RYR2: variants seen among roughly 807,000 people sequenced by gnomAD.
The protein encoded by RYR2 is ryanodine receptor 2, also known as cardiac muscle ryanodine receptor-calcium release channel.
In RYR2, 227 loss-of-function variants were observed where a neutral mutation model predicts 601.1. The observed-to-expected ratio is 0.38, with a 90% CI of 0.34 to 0.42. The LOEUF is 0.42. RYR2 is among the 10% of genes least tolerant of loss of function. The pLI is 1.00. For synonymous variants in RYR2, 2,223 were observed against 2,175.1 expected, an observed-to-expected ratio of 1.02 and a Z score of -0.61; for missense variants, 4,646 against 6,156.5, an observed-to-expected ratio of 0.75 and a Z score of 8.21.
intron 56 of RYR2, among the ~76,000 whole-genome samples, chr1:237,662,551 A>C (rs1683906332): frequency 6.6e-6 from 1 of 152,020 alleles, no homozygotes; most frequent in Non-Finnish European, 1.5e-5. Context: ...AATGGAGGTG[A>C]CTTTAGGCTT....
chr1:237,474,263 A>C (rs1661139936), intron 17 of RYR2, among the ~76,000 whole-genome samples: 1 of 85,646 alleles, frequency 1.2e-5, no homozygotes, highest in African/African-American at 3.0e-5. Flanking sequence ...ATATGTATAG[A>C]TACCTACACA....
At chr1:237,623,939 T>A in intron 39 of RYR2, 69 bp downstream of exon 39, 1 of 976,152 alleles carries the variant, frequency 1.0e-6, no homozygotes, top group Non-Finnish European at 1.6e-6. Flanking sequence ...GAGACGAAAT[T>A]AAGTGTATAT....
chr1:237,285,544 G>A (rs1691465931), intron 2 of RYR2, among the ~76,000 whole-genome samples: 1 of 152,116 alleles, frequency 6.6e-6, no homozygotes, highest in Non-Finnish European at 1.5e-5. Context: ...TTCATAGAAT[G>A]AATTAGGGAG....
In RYR2 at chr1:237,602,043, T is replaced by A; in HGVS notation, c.4615T>A (p.Leu1539Ile). The A allele has an allele frequency of 6.2e-7, 1 of 1,612,560 alleles. No homozygotes were observed. Among genetic ancestry groups the A allele is most frequent in the Non-Finnish European group, 8.5e-7 (1 of 1,179,084 alleles). The change falls in exon 35 of 105, where the codon TTA becomes ATA. Residue 1539 changes from leucine (L) to isoleucine (I), a missense_variant. Around this residue, in one of 17 missense-constraint regions of RYR2, gnomAD observed 1,807 missense variants for 2,088.1 expected, o/e 0.87. Transcript: ENST00000366574. ...TYYQVEPSTK[L>I]FPAVFAQATS... ...ATTTCAGGTGGAACCGAGTACAAAA[T>A]TATTTCCTGCGGTTTTTGCACAAGC... is the stretch of plus-strand genomic sequence containing the variant.
intron 1 of RYR2, among the ~76,000 whole-genome samples, chr1:237,261,378 G>C (rs901464010): frequency 6.6e-6 from 1 of 152,116 alleles, no homozygotes; most frequent in Non-Finnish European, 1.5e-5. Context: ...GGCTTTCCAT[G>C]GTCTGGGCCC....
intron 2 of RYR2, among the ~76,000 whole-genome samples, chr1:237,324,127 A>C (rs992926055): frequency 6.6e-6 from 1 of 152,198 alleles, no homozygotes; most frequent in Non-Finnish European, 1.5e-5. Context: ...GAAAAAGTGA[A>C]CTAAGATTTT....
At chr1:237,293,948 A>G (rs1463678340) in intron 2 of RYR2, among the ~76,000 whole-genome samples, 1 of 152,110 alleles carries the variant, frequency 6.6e-6, no homozygotes, top group African/African-American at 2.4e-5. Flanking sequence ...TGTTGGGGGA[A>G]GGCTTAAAGT....
chr1:237,357,537 T>C (rs2149698929), intron 4 of RYR2, among the ~76,000 whole-genome samples: 1 of 152,356 alleles, frequency 6.6e-6, no homozygotes, highest in East Asian at 1.9e-4. Context: ...TGTCTAAAAG[T>C]CTTCCCTTCA....
At chr1:237,553,562 A>T (rs1209747421) in intron 27 of RYR2, among the ~76,000 whole-genome samples, 1 of 151,912 alleles carries the variant, frequency 6.6e-6, no homozygotes, top group African/African-American at 2.4e-5. Context: ...TTCCATATAC[A>T]TTTAGATTCA....
intron 63 of RYR2, among the ~76,000 whole-genome samples, chr1:237,687,794 G>A (rs953631157): frequency 2.0e-5 from 3 of 152,116 alleles, no homozygotes; most frequent in African/African-American, 7.2e-5. Context: ...TTTTATCTCA[G>A]GGGTAAAAAC....
chr1:237,785,818 T>C (rs1038095435), intron 90 of RYR2, 151 bp from the exon 91 acceptor site: 56 of 651,702 alleles, frequency 8.6e-5, no homozygotes, highest in East Asian at 7.6e-4. Flanking sequence ...TTTGGCCCTA[T>C]AAAATGAAAA....
At chr1:237,456,766 G>C in intron 16 of RYR2, 31 bp downstream of exon 16, 1 of 1,610,318 alleles carries the variant, frequency 6.2e-7, no homozygotes, top group Non-Finnish European at 8.5e-7. Context: ...CATAGCAACA[G>C]AGTTATCTAT....
intron 1 of RYR2, among the ~76,000 whole-genome samples, chr1:237,168,033 C>T (rs1572075794): frequency 6.6e-6 from 1 of 152,174 alleles, no homozygotes; most frequent in Non-Finnish European, 1.5e-5. Flanking sequence ...TTCCTGGATA[C>T]TTACCAAGCC....
Position 237,594,922 on chromosome 1 carries a change from T to G in RYR2, c.4437-576T>G, listed in dbSNP as rs995672484. Among the ~76,000 whole-genome samples the G allele has an allele frequency of 1.1e-3, 110 of 99,360 alleles. 3 individuals are homozygous for G. Among genetic ancestry groups the G allele is most frequent in the African/African-American group, 3.5e-3 (108 of 30,766 alleles). 65.2% of individuals were successfully genotyped at this position (99,360 alleles called of 152,430 possible). ...TTTTTTTTTTTTTTTTTTTTTTTTT[T>G]TTTTTTTTTGCATATTCTAGTTAAA... On this transcript the variant is annotated intron_variant, in intron 33 of 104. Coordinates refer to ENST00000366574, the MANE Select transcript of RYR2 (RefSeq NM_001035.3).
chr1:237,124,196 G>A (rs1277860100), intron 1 of RYR2, among the ~76,000 whole-genome samples: 3 of 152,192 alleles, frequency 2.0e-5, no homozygotes, highest in African/African-American at 4.8e-5. Flanking sequence ...AAGCCTGTCA[G>A]CCATCACATG....
chr1:237,389,717 G>C (rs1384384666), intron 10 of RYR2, among the ~76,000 whole-genome samples: 1 of 152,130 alleles, frequency 6.6e-6, no homozygotes, highest in Non-Finnish European at 1.5e-5. Context: ...TGCAGGAGAT[G>C]GTACATGTTT....
rs1015918431 is a variant in RYR2, at chr1:237,106,156, C to T, written c.48+63587C>T. 3.3e-5 allele frequency among the ~76,000 whole-genome samples: 5 copies of T among 152,146 alleles called. No homozygotes were observed. Among genetic ancestry groups the T allele is most frequent in the African/African-American group, 1.2e-4 (5 of 41,426 alleles). ...ACTTTTAGCCATATGGGAGTCATTG[C>T]AATCCTTTGAGCTGAGGGGTAGCTC... On this transcript the variant is annotated intron_variant, in intron 1 of 104. Transcript: ENST00000366574. The surrounding 1 kb of genome is among the most constrained non-coding windows in gnomAD (Gnocchi z 4.4).
At chr1:237,464,624 T>C (rs187213800) in intron 16 of RYR2, among the ~76,000 whole-genome samples, 1 of 152,174 alleles carries the variant, frequency 6.6e-6, no homozygotes, top group African/African-American at 2.4e-5. Flanking sequence ...ATCAAGATAT[T>C]TCCCCCCCAA....
chr1:237,612,137 C>T (rs1205706930), intron 36 of RYR2, among the ~76,000 whole-genome samples: 1 of 152,016 alleles, frequency 6.6e-6, no homozygotes, highest in Non-Finnish European at 1.5e-5. Flanking sequence ...ACTTTGAAGA[C>T]ATTATATTAA....
Sources: gnomAD v4.1 joint callset for allele counts (sites outside exome capture counted in the v4.1 genomes callset) on GRCh38, gnomAD v4.1.1 for gene constraint, gnomAD v4.1.1 regional missense constraint, Gnocchi (gnomAD v3.1) non-coding constraint, MANE v1.5 for transcripts, NCBI Gene and HGNC (gene_info 2026-07-23, HGNC 2026-07-21) for gene names.